Variants in FSHR observed in about 807,000 individuals in gnomAD.
The protein encoded by FSHR is follicle-stimulating hormone receptor.
A neutral mutation model predicts 52.1 loss-of-function variants in FSHR; 46 were observed. The ratio of observed to expected loss-of-function variants is 0.88; its 90% CI spans 0.70 to 1.13. FSHR has a LOEUF of 1.13. Ranked by LOEUF, FSHR falls within the 50% of genes most tolerant of loss-of-function variation. The pLI is 0.00. For synonymous variants in FSHR, 399 were observed against 309.6 expected, an observed-to-expected ratio of 1.29 and a Z score of -3.03; for missense variants, 964 against 834.6, an observed-to-expected ratio of 1.16 and a Z score of -1.91.
At chr2:49,075,239 C>G (rs979481469) in intron 1 of FSHR, among the ~76,000 whole-genome samples, 5 of 152,124 alleles carry the variant, frequency 3.3e-5, no homozygotes, top group African/African-American at 1.2e-4. Context: ...GTATGCTAAT[C>G]ACTCTGTTCT....
At chr2:49,028,487 A>G (rs1057333394) in intron 2 of FSHR, among the ~76,000 whole-genome samples, 3 of 152,204 alleles carry the variant, frequency 2.0e-5, no homozygotes, top group African/African-American at 7.2e-5. Flanking sequence ...TTTTAATGGG[A>G]ATAATTATCC....
chr2:49,031,668 G>C (rs1668107534), intron 2 of FSHR, among the ~76,000 whole-genome samples: 1 of 152,108 alleles, frequency 6.6e-6, no homozygotes, highest in Admixed American at 6.5e-5. Flanking sequence ...TCCAGGGAAG[G>C]AGGTATCTAG....
At chr2:49,022,680 C>G (rs4971638) in intron 2 of FSHR, among the ~76,000 whole-genome samples, 22,091 of 152,088 alleles carry the variant, frequency 0.15, 2,019 homozygotes, top group East Asian at 0.29. Flanking sequence ...TTCTTCTACC[C>G]TCCCTGCCTC....
intron 4 of FSHR, among the ~76,000 whole-genome samples, chr2:49,009,615 G>T (rs7424375): frequency 0.62 from 89,368 of 143,146 alleles, 30,329 homozygotes; most frequent in East Asian, 0.76. Context: ...AATTACCTTG[G>T]GCAGTATGGC....
At chr2:49,028,782 A>G (rs1486351888) in intron 2 of FSHR, among the ~76,000 whole-genome samples, 1 of 152,126 alleles carries the variant, frequency 6.6e-6, no homozygotes, top group Non-Finnish European at 1.5e-5. Context: ...GCCCAGAACA[A>G]CCTTGAAGGC....
chr2:49,088,281 A>G (rs556607843), intron 1 of FSHR, among the ~76,000 whole-genome samples: 3 of 152,320 alleles, frequency 2.0e-5, no homozygotes, highest in East Asian at 3.9e-4. Flanking sequence ...TCTGGAGCTT[A>G]GATGTTTCTT....
chr2:49,142,783 C>CGGATAAATGA (rs1244382004), intron 1 of FSHR, among the ~76,000 whole-genome samples: 1 of 152,030 alleles, frequency 6.6e-6, no homozygotes, highest in African/African-American at 2.4e-5. Context: ...AGGGGAGATA[C>CGGATAAATGA]GGATAAATGA....
intron 8 of FSHR, among the ~76,000 whole-genome samples, chr2:48,973,277 T>C (rs58187332): frequency 0.71 from 96,961 of 136,642 alleles, 31,675 homozygotes; most frequent in East Asian, 0.82. Flanking sequence ...CACATGCACA[T>C]GCAAATGCAC....
At position 49,094,737 on chromosome 2, in the gene FSHR, T is replaced by C. The variant is rs964737232; in HGVS notation, c.153-26447A>G. Among the ~76,000 whole-genome samples the C allele has an allele frequency of 2.0e-5, 3 of 152,072 alleles. No individual in the cohort carries two copies. The East Asian group carries it at 5.8e-4, about 29-fold the overall frequency. ...AAAAAGAAGAAAAATCTCCAGTCAGTAACTTAAACTTTAAGAAATTAGAGA... is the reference window on the plus strand; with the variant it reads ...AAAAAGAAGAAAAATCTCCAGTCAGCAACTTAAACTTTAAGAAATTAGAGA... On this transcript the variant is annotated intron_variant, in intron 1 of 9. Transcript: ENST00000406846.
intron 1 of FSHR, among the ~76,000 whole-genome samples, chr2:49,124,548 T>C (rs899126514): frequency 7.2e-5 from 11 of 152,120 alleles, no homozygotes; most frequent in Admixed American, 6.5e-4. Flanking sequence ...AAACTGTAGC[T>C]CCATTTTTTT....
rs752142817 is a variant in FSHR, at chr2:48,982,927, G to C, written c.653C>G (p.Ser218Cys). Residue 218 changes from serine (S) to cysteine (C), a missense_variant, in exon 8 of 10, where the codon TCT becomes TGT. Physicochemically the swap from Ser to Cys is moderately radical, Grantham distance 112. Transcript: ENST00000406846. The part of the protein sequence containing the change: ...ELPNDVFHGA[S>C]GPVILDISRT... Reference sequence around the variant, plus strand: ...AGCTACTCACAGAATGACTGGTCCAGAGGCTCCGTGGAAAACATCATTAGG... The same window carrying C: ...AGCTACTCACAGAATGACTGGTCCACAGGCTCCGTGGAAAACATCATTAGG... 4.3e-6 allele frequency: 7 copies of C among 1,613,714 alleles called. No homozygotes were observed.
chr2:48,999,302 A>G (rs1186740319), intron 4 of FSHR, among the ~76,000 whole-genome samples: 1 of 152,090 alleles, frequency 6.6e-6, no homozygotes, highest in Non-Finnish European at 1.5e-5. Flanking sequence ...TACCCTTACC[A>G]TCCTCATATT....
chr2:49,056,375 TA>T (rs1669062426), intron 2 of FSHR, among the ~76,000 whole-genome samples: 1 of 148,078 alleles, frequency 6.8e-6, no homozygotes, highest in Non-Finnish European at 1.5e-5. Flanking sequence ...TTAAAAGATG[TA>T]AAAAGAGACA....
chr2:49,135,150 A>C (rs1206412585), intron 1 of FSHR, among the ~76,000 whole-genome samples: 1 of 152,210 alleles, frequency 6.6e-6, no homozygotes, highest in African/African-American at 2.4e-5. Context: ...TTAATTCAAC[A>C]ATAGGAGATA....
intron 1 of FSHR, among the ~76,000 whole-genome samples, chr2:49,073,141 A>C (rs1669809221): frequency 6.6e-6 from 1 of 152,080 alleles, no homozygotes; most frequent in South Asian, 2.1e-4. Flanking sequence ...CCCTCTGAGA[A>C]CTAGAACACG....
chr2:49,028,481 A>G (rs938561069), intron 2 of FSHR, among the ~76,000 whole-genome samples: 1 of 152,230 alleles, frequency 6.6e-6, no homozygotes, highest in African/African-American at 2.4e-5. Flanking sequence ...CATTTATTTT[A>G]ATGGGAATAA....
At chr2:49,011,354 A>C (rs970464947) in intron 4 of FSHR, among the ~76,000 whole-genome samples, 1 of 152,080 alleles carries the variant, frequency 6.6e-6, no homozygotes, top group Non-Finnish European at 1.5e-5. Context: ...TGAGATTCTT[A>C]ATCCTGAGTT....
intron 1 of FSHR, among the ~76,000 whole-genome samples, chr2:49,122,465 C>T (rs756633474): frequency 6.6e-6 from 1 of 152,092 alleles, no homozygotes; most frequent in Non-Finnish European, 1.5e-5. Flanking sequence ...TTCTCATTAC[C>T]CAAAAGTCTG....
intron 1 of FSHR, among the ~76,000 whole-genome samples, chr2:49,076,511 G>A (rs1669955841): frequency 6.6e-6 from 1 of 152,134 alleles, no homozygotes; most frequent in Admixed American, 6.5e-5. Flanking sequence ...AGAGTTGAGT[G>A]GGGACACAGA....
Sources: allele counts gnomAD v4.1 joint callset (sites outside exome capture counted in the v4.1 genomes callset), GRCh38; gene constraint gnomAD v4.1.1; transcripts MANE v1.5; gene names NCBI Gene and HGNC (gene_info 2026-07-23, HGNC 2026-07-21).